The following DELE1 variants were observed in gnomAD, a reference collection of about 807,000 sequenced individuals.
DELE1 encodes the protein death ligand signal enhancer.
A neutral mutation model predicts 59.3 loss-of-function variants in DELE1; 54 were observed. That is an observed-to-expected ratio of 0.91 (90% confidence interval 0.73 to 1.14). The LOEUF (loss-of-function observed/expected upper bound fraction) is 1.14. Ranked by LOEUF, DELE1 falls within the 50% of genes most tolerant of loss-of-function variation. The pLI is 0.00. For synonymous variants in DELE1, 264 were observed against 259.1 expected (o/e 1.02, Z -0.18); for missense variants, 636 against 643.9 (o/e 0.99, Z 0.13).
chr5:141,926,044 T>C (rs1275072925), intron 3 of DELE1, among the ~76,000 whole-genome samples: 2 of 151,992 alleles, frequency 1.3e-5, no homozygotes, highest in Non-Finnish European at 2.9e-5. Flanking sequence ...CACGCCTGGA[T>C]AATTTTTGTG....
chr5:141,938,777 T>C lies in DELE1; in HGVS notation c.*18T>C, dbSNP rs1371928740. The C allele has an allele frequency of 6.3e-7, 1 of 1,596,358 alleles. No homozygotes were observed. Among genetic ancestry groups the C allele is most frequent in the African/African-American group, 1.3e-5 (1 of 74,564 alleles). On this transcript the variant is annotated 3_prime_UTR_variant, in exon 12 of 12. Transcript: ENST00000432126. ...TTGGCTAAGGTGAGATAAAACATAG[T>C]CCCTGGTGCCTCTTAGGGGCCAGAG...
intron 9 of DELE1, 28 bp downstream of exon 9, chr5:141,934,426 A>C (rs1455423418): frequency 6.2e-7 from 1 of 1,614,204 alleles, no homozygotes; most frequent in Non-Finnish European, 8.5e-7. Context: ...GGTCTGTTCA[A>C]GGTCTCTGAG....
At chr5:141,936,634 T>C (rs1752382824) in intron 10 of DELE1, among the ~76,000 whole-genome samples, 1 of 152,130 alleles carries the variant, frequency 6.6e-6, no homozygotes, top group Non-Finnish European at 1.5e-5. Flanking sequence ...GGGGTTTCAC[T>C]ATGTTGGGCA....
In DELE1 at chr5:141,933,662, T is replaced by C. The variant is rs1017569121; in HGVS notation, c.897+261T>C. On this transcript the variant is annotated intron_variant, in intron 8 of 11. Transcript: ENST00000432126. ...GCATCTTGATGAATGGATTAATTAA[T>C]TTTTAAAAAGTGGGATAAGAACACA... The C allele has an allele frequency of 2.3e-5, 5 of 220,922 alleles. No individual in the cohort carries two copies. In the South Asian group the frequency reaches 5.5e-4, roughly 24 times the overall value. 13.7% of individuals were successfully genotyped at this position (220,922 alleles called of 1,614,324 possible). A position where few individuals can be genotyped will look rare whatever the true frequency, so the allele number is the denominator to read the frequency against.
At position 141,941,737 on chromosome 5, in the gene DELE1, A is replaced by G. The variant is rs1287820432; in HGVS notation, c.*2978A>G. ...CTGACACTATGATGGGAACAAGGCT[A>G]TTTGGTTTACTATATCATTAGTGCT... On this transcript the variant is annotated 3_prime_UTR_variant, in exon 12 of 12. Coordinates refer to ENST00000432126, the MANE Select transcript of DELE1 (RefSeq NM_014773.5). The G allele has an allele frequency of 3.0e-6, 3 of 985,176 alleles. No individual in the cohort carries two copies. In the East Asian group the frequency reaches 3.4e-4, roughly 112 times the overall value. 61.0% of individuals were successfully genotyped at this position (985,176 alleles called of 1,614,324 possible). A position where few individuals can be genotyped will look rare whatever the true frequency, so the allele number is the denominator to read the frequency against.
chr5:141,930,338 C>T, intron 7 of DELE1, 64 bp downstream of exon 7: 4 of 1,179,266 alleles, frequency 3.4e-6, no homozygotes, highest in Middle Eastern at 4.6e-4. Context: ...TGGGGTAGCT[C>T]AGATATAGTC....
rs6866889 is a variant in DELE1, at chr5:141,933,423, T to C, written c.897+22T>C. 0.015 allele frequency: 21,367 copies of C among 1,439,324 alleles called. 2,683 individuals are homozygous for C. In the African/African-American group the frequency reaches 0.27, roughly 18 times the overall value. The allele number at this position is 1,439,324 out of a possible 1,614,324, so 89.2% of individuals were successfully genotyped here. On this transcript the variant is annotated intron_variant, in intron 8 of 11. Coordinates refer to ENST00000432126, the MANE Select transcript of DELE1 (RefSeq NM_014773.5). ...CAAGGTATTCCCCTGCCCCCAAGCCTGCCTTCTGTGCTGGGCTGCTGAGAT... is the reference window on the plus strand; with the variant it reads ...CAAGGTATTCCCCTGCCCCCAAGCCCGCCTTCTGTGCTGGGCTGCTGAGAT...
rs745422009 is a variant in DELE1, at chr5:141,930,197, C to G, written c.677C>G (p.Thr226Ser). Residue 226 changes from threonine (T) to serine (S), a missense_variant, in exon 7 of 12, where the codon ACT (threonine) becomes AGT (serine). Physicochemically the swap from Thr to Ser is moderately conservative, Grantham distance 58. Transcript: ENST00000432126. ...TGEKEQDKSK[T>S]LSLEEAVTSI... ...TCCCAGGAACAAGATAAATCAAAAA[C>G]TCTTTCCCTTGAGGAGGCTGTGACT... 1.2e-5 allele frequency: 20 copies of G among 1,613,720 alleles called. No individual in the cohort carries two copies. Among genetic ancestry groups the G allele is most frequent in the Admixed American group, 1.7e-5 (1 of 59,998 alleles).
chr5:141,936,409 G>A (rs1752355876), intron 10 of DELE1, among the ~76,000 whole-genome samples: 1 of 152,116 alleles, frequency 6.6e-6, no homozygotes, highest in African/African-American at 2.4e-5. Context: ...CAGAGCTGGG[G>A]CAAAGAGCAT....
chr5:141,929,849 A>G (rs1377274555), intron 5 of DELE1, 109 bp downstream of exon 5: 5 of 1,516,416 alleles, frequency 3.3e-6, no homozygotes, highest in Non-Finnish European at 4.6e-6. Context: ...GTGAGGTCCC[A>G]TGCCTTGTGA....
chr5:141,926,407 C>T (rs900949897), intron 3 of DELE1, among the ~76,000 whole-genome samples: 1 of 152,040 alleles, frequency 6.6e-6, no homozygotes, highest in Non-Finnish European at 1.5e-5. Flanking sequence ...GAGCCTAGCC[C>T]GTAATAGTTG....
chr5:141,933,982 A>G (rs942559672), intron 8 of DELE1: 1 of 303,352 alleles, frequency 3.3e-6, no homozygotes, highest in Non-Finnish European at 6.0e-6. Flanking sequence ...GAGTATGTCT[A>G]ACACATATAT....
At chr5:141,924,208 A>G (rs1400399424) in intron 1 of DELE1, among the ~76,000 whole-genome samples, 1 of 152,194 alleles carries the variant, frequency 6.6e-6, no homozygotes, top group South Asian at 2.1e-4. Context: ...GAGGAGTCCA[A>G]TGGCAGGAGA....
intron 10 of DELE1, chr5:141,936,990 G>C: frequency 2.1e-6 from 3 of 1,413,854 alleles, no homozygotes; most frequent in Non-Finnish European, 2.8e-6. Context: ...CCTGGGTGGA[G>C]GGATCCCCCT....
chr5:141,927,184 T>C (rs1312306903), intron 3 of DELE1, among the ~76,000 whole-genome samples: 1 of 152,250 alleles, frequency 6.6e-6, no homozygotes, highest in Non-Finnish European at 1.5e-5. Context: ...TCTTACTTGC[T>C]ATTGTATGCA....
chr5:141,938,582 C>T lies in DELE1; in HGVS notation c.1371C>T (p.Cys457=), dbSNP rs917334481. Reference sequence around the variant, plus strand: ...AGTCTTTCTCCAGCCCCTCCCTCTGCAGCTTGAACACCCTGCTAGCAGGAA... The same window carrying T: ...AGTCTTTCTCCAGCCCCTCCCTCTGTAGCTTGAACACCCTGCTAGCAGGAA... ...GLKSFSSPSL[C]SLNTLLAGTS... is the part of the protein sequence containing the mutation. The change falls in exon 12 of 12, where the codon TGC becomes TGT. Residue 457 remains cysteine (C), a synonymous_variant. Coordinates refer to ENST00000432126, the MANE Select transcript of DELE1 (RefSeq NM_014773.5). 6.2e-7 allele frequency: 1 copy of T among 1,614,164 alleles called. No homozygotes were observed. The highest frequency in any genetic ancestry group is 8.5e-7 in the Non-Finnish European group (1 of 1,180,024).
At chr5:141,935,976 A>G (rs767888245) in intron 10 of DELE1, among the ~76,000 whole-genome samples, 2 of 152,048 alleles carry the variant, frequency 1.3e-5, no homozygotes, top group African/African-American at 2.4e-5. Context: ...TTTGTTGGAG[A>G]GACTTTTGGC....
chr5:141,925,722 C>T (rs1440388259), intron 3 of DELE1, among the ~76,000 whole-genome samples, 195 bp downstream of exon 3: 3 of 152,150 alleles, frequency 2.0e-5, no homozygotes, highest in South Asian at 2.1e-4. Context: ...TCATTTAATT[C>T]AGTAAACATT....
In DELE1 at chr5:141,933,246, T is replaced by A. The variant is rs1174267188; in HGVS notation, c.755-13T>A. The A allele has an allele frequency of 6.6e-7, 1 of 1,526,560 alleles. No individual in the cohort carries two copies. The highest frequency in any genetic ancestry group is 1.2e-5 in the South Asian group (1 of 82,600). The allele number at this position is 1,526,560 out of a possible 1,614,324, so 94.6% of individuals were successfully genotyped here. ...CTGAGGAAGCTGTGTTTGTGCCCTGTGCCTTCTTACAGGAACAGAGAACAT... is the reference window on the plus strand; with the variant it reads ...CTGAGGAAGCTGTGTTTGTGCCCTGAGCCTTCTTACAGGAACAGAGAACAT... On this transcript the variant is annotated splice_polypyrimidine_tract_variant and intron_variant, in intron 7 of 11. Coordinates refer to ENST00000432126, the MANE Select transcript of DELE1 (RefSeq NM_014773.5).
Sources: gnomAD v4.1 joint callset for allele counts (sites outside exome capture counted in the v4.1 genomes callset) on GRCh38, gnomAD v4.1.1 for gene constraint, MANE v1.5 for transcripts, NCBI Gene and HGNC (gene_info 2026-07-23, HGNC 2026-07-21) for gene names.